Variants in MINDY4 observed in about 807,000 individuals in gnomAD.
MINDY4 encodes the protein MINDY lysine 48 deubiquitinase 4.
In MINDY4, 68 loss-of-function variants were observed where a neutral mutation model predicts 87.0. The ratio of observed to expected loss-of-function variants is 0.78; its 90% CI spans 0.64 to 0.96. MINDY4 has a LOEUF of 0.96. Ranked by LOEUF, MINDY4 falls within the 40% of genes least tolerant of loss-of-function variation. MINDY4 has a pLI of 0.00. For missense variants in MINDY4, 919 were observed against 928.2 expected (o/e 0.99, Z 0.13); for synonymous variants, 379 against 363.2 (o/e 1.04, Z -0.50).
intron 9 of MINDY4, 45 bp downstream of exon 9, chr7:30,840,893 T>TC (rs1318195321): frequency 1.9e-6 from 3 of 1,541,668 alleles, no homozygotes; most frequent in Non-Finnish European, 2.7e-6. Context: ...TCCCAAGTCT[T>TC]CCCCAGAGTG....
intron 10 of MINDY4, 48 bp from the exon 11 acceptor site, chr7:30,852,168 C>T (rs772629617): frequency 2.0e-5 from 33 of 1,610,808 alleles, no homozygotes; most frequent in Admixed American, 2.0e-4. Flanking sequence ...CTGGAGGGCA[C>T]GCCTTCTCTC....
chr7:30,810,919 C>T (rs976595200), intron 5 of MINDY4, among the ~76,000 whole-genome samples: 5 of 152,010 alleles, frequency 3.3e-5, no homozygotes, highest in African/African-American at 4.8e-5. Flanking sequence ...GTTGATGTCC[C>T]CACATTTGAA....
At chr7:30,790,061 C>T (rs1263150135) in intron 4 of MINDY4, among the ~76,000 whole-genome samples, 2 of 152,162 alleles carry the variant, frequency 1.3e-5, no homozygotes, top group Non-Finnish European at 2.9e-5. Context: ...AGGGCAAATA[C>T]GCATAGGAGT....
At chr7:30,865,828 C>T (rs759610302) in intron 13 of MINDY4, among the ~76,000 whole-genome samples, 9 of 152,200 alleles carry the variant, frequency 5.9e-5, no homozygotes, top group Admixed American at 1.3e-4. Flanking sequence ...GCTCCTGGCT[C>T]TCAATCGAAG....
chr7:30,885,385 G>A (rs1189287645), intron 17 of MINDY4, among the ~76,000 whole-genome samples: 2 of 152,140 alleles, frequency 1.3e-5, no homozygotes, highest in Admixed American at 6.5e-5. Context: ...GGTGGCACAC[G>A]CCTATAATCT....
At chr7:30,885,355 A>G (rs1790598307) in intron 17 of MINDY4, among the ~76,000 whole-genome samples, 1 of 152,120 alleles carries the variant, frequency 6.6e-6, no homozygotes, top group Admixed American at 6.5e-5. Flanking sequence ...CCCCATCTCT[A>G]TTAAAAATTA....
At chr7:30,853,571 G>GGA in intron 12 of MINDY4, 112 bp downstream of exon 12, 3 of 969,688 alleles carry the variant, frequency 3.1e-6, no homozygotes, top group Non-Finnish European at 4.8e-6. Flanking sequence ...CCCTGGGATG[G>GGA]CGAGGAAGCT....
Position 30,839,299 on chromosome 7 carries a change from G to A in MINDY4, c.1339G>A (p.Gly447Ser), listed in dbSNP as rs751147664. ...SFSNTASLKY[G>S]IVQNKGGPCG... ...TAGTAACACAGCCTCATTAAAATAC[G>A]GCATAGTGCAGAACAAGGCAGGTTG... Residue 447 changes from glycine to serine, a missense_variant, in exon 8 of 18, where the codon GGC becomes AGC. Coordinates refer to ENST00000265299, the MANE Select transcript of MINDY4 (RefSeq NM_032222.3). The A allele has an allele frequency of 2.9e-5, 46 of 1,606,630 alleles. No individual in the cohort carries two copies. Among genetic ancestry groups the A allele is most frequent in the Non-Finnish European group, 3.5e-5 (41 of 1,176,882 alleles).
In MINDY4 at chr7:30,852,201, TC is replaced by T; in HGVS notation, c.1548-13del. ...CTCCACTCAGAGGACTCATGCACCT[TC>T]CTTTCCTTTTTAGGGCTTCGAGAAC... On this transcript the variant is annotated splice_polypyrimidine_tract_variant and intron_variant, in intron 10 of 17. Transcript: ENST00000265299. 6.2e-7 allele frequency: 1 copy of T among 1,614,078 alleles called. No individual in the cohort carries two copies.
At chr7:30,772,533 G>A (rs1786675108) in intron 1 of MINDY4, among the ~76,000 whole-genome samples, 1 of 152,088 alleles carries the variant, frequency 6.6e-6, no homozygotes, top group African/African-American at 2.4e-5. Flanking sequence ...CAGCTTCCAA[G>A]CATTGGATCT....
chr7:30,883,876 G>C (rs930761236), intron 17 of MINDY4, among the ~76,000 whole-genome samples: 6 of 152,100 alleles, frequency 3.9e-5, no homozygotes, highest in Admixed American at 6.5e-5. Flanking sequence ...CTGCTTCTTG[G>C]TGTGAGCCAC....
chr7:30,799,843 A>G (rs1787595677), intron 5 of MINDY4, among the ~76,000 whole-genome samples: 1 of 152,192 alleles, frequency 6.6e-6, no homozygotes, highest in South Asian at 2.1e-4. Flanking sequence ...AGGAAAGTGG[A>G]ACTGGGCAGG....
chr7:30,836,628 A>G (rs771266975), intron 6 of MINDY4, 30 bp from the exon 7 acceptor site: 10 of 1,564,092 alleles, frequency 6.4e-6, no homozygotes, highest in Admixed American at 1.7e-5. Flanking sequence ...GTCATAACGA[A>G]GGGCTCACAT....
rs1335691329 is a variant in MINDY4 at position 30,772,459 on chromosome 7, T to C, written c.63+903T>C. Among the ~76,000 whole-genome samples, 5 of 152,204 alleles carry C rather than the reference T, an allele frequency of 3.3e-5. No homozygotes were observed. In the South Asian group the frequency reaches 8.3e-4, roughly 25 times the overall value. On this transcript the variant is annotated intron_variant, in intron 1 of 17. Coordinates refer to ENST00000265299, the MANE Select transcript of MINDY4 (RefSeq NM_032222.3). ...CTCACTGTCTCAATTTCGTTATCTGTAAAACAGGAAAGTAAGACCTACTCT... is the reference window on the plus strand; with the variant it reads ...CTCACTGTCTCAATTTCGTTATCTGCAAAACAGGAAAGTAAGACCTACTCT...
At chr7:30,815,943 G>C (rs929300094) in intron 5 of MINDY4, among the ~76,000 whole-genome samples, 1 of 152,052 alleles carries the variant, frequency 6.6e-6, no homozygotes, top group Admixed American at 6.5e-5. Flanking sequence ...ATCCAGCATG[G>C]GATAGATTAA....
intron 7 of MINDY4, among the ~76,000 whole-genome samples, chr7:30,837,322 C>T (rs911432672): frequency 4.6e-5 from 7 of 152,150 alleles, no homozygotes; most frequent in South Asian, 2.1e-4. Flanking sequence ...CTCACCACTC[C>T]CGTGACCAGA....
chr7:30,857,024 C>T (rs1271068960), intron 12 of MINDY4, among the ~76,000 whole-genome samples: 1 of 152,130 alleles, frequency 6.6e-6, no homozygotes, highest in Admixed American at 6.6e-5. Flanking sequence ...AAGTGGCTGG[C>T]CTGAGATCAC....
chr7:30,854,435 A>G (rs1789512614), intron 12 of MINDY4, among the ~76,000 whole-genome samples: 1 of 152,080 alleles, frequency 6.6e-6, no homozygotes, highest in South Asian at 2.1e-4. Flanking sequence ...TAGAAATGAG[A>G]GGGAAGCATT....
chr7:30,862,166 G>C (rs879770019), intron 13 of MINDY4, among the ~76,000 whole-genome samples: 5 of 152,228 alleles, frequency 3.3e-5, no homozygotes, highest in Non-Finnish European at 5.9e-5. Context: ...TGCTTCCCCC[G>C]AGGGCCTGCA....
Sources: allele counts gnomAD v4.1 joint callset (sites outside exome capture counted in the v4.1 genomes callset), GRCh38; gene constraint gnomAD v4.1.1; transcripts MANE v1.5; gene names NCBI Gene and HGNC (gene_info 2026-07-23, HGNC 2026-07-21).